STK3: variants seen among roughly 807,000 people sequenced by gnomAD.
STK3 encodes serine/threonine kinase 3.
STK3 carries 41 observed loss-of-function variants against 58.0 expected under a neutral mutation model. The ratio of observed to expected loss-of-function variants is 0.71; its 90% confidence interval spans 0.55 to 0.92. STK3 has a LOEUF of 0.92. Ranked by LOEUF, STK3 falls within the 40% of genes least tolerant of loss-of-function variation. The pLI, the probability that STK3 is intolerant of heterozygous loss-of-function variation, is 0.00. For missense variants in STK3, 479 were observed against 602.7 expected (o/e 0.79, Z 2.15); for synonymous variants, 170 against 191.0 (o/e 0.89, Z 0.91).
chr8:98,636,028 T>C lies in STK3; in HGVS notation c.685-39859A>G, dbSNP rs576819159. Among the ~76,000 whole-genome samples the C allele has an allele frequency of 3.3e-5, 5 of 152,224 alleles. No homozygotes were observed. The East Asian group carries it at 9.7e-4, about 29-fold the overall frequency. ...CTTTCCCTAATACAACCCTTCCTAATAAAGCCATACATTCCTTCTATGATT... is the reference window on the plus strand; with the variant it reads ...CTTTCCCTAATACAACCCTTCCTAACAAAGCCATACATTCCTTCTATGATT... On this transcript the variant is annotated intron_variant, in intron 6 of 10. Transcript: ENST00000419617.
intron 1 of STK3, among the ~76,000 whole-genome samples, chr8:98,906,946 G>A (rs1034006107): frequency 1.3e-5 from 2 of 149,428 alleles, no homozygotes; most frequent in African/African-American, 5.0e-5. Flanking sequence ...CCAGGAGTTC[G>A]AGACCAGCCT....
At chr8:98,414,226 T>C (rs578229891) in intron 3 of STK3, among the ~76,000 whole-genome samples, 31 of 152,152 alleles carry the variant, frequency 2.0e-4, no homozygotes, top group Non-Finnish European at 4.3e-4. Flanking sequence ...ATCGTGCCAC[T>C]GCACTCCAGC....
At chr8:98,805,302 G>A (rs954600644) in intron 1 of STK3, among the ~76,000 whole-genome samples, 6 of 152,060 alleles carry the variant, frequency 3.9e-5, no homozygotes, top group African/African-American at 7.2e-5. Flanking sequence ...AATATAGGCC[G>A]GGCGCGGTGG....
At chr8:98,350,682 CAAGAT>C in the STK3 span, among the ~76,000 whole-genome samples, 2 of 152,126 alleles carry the variant, frequency 1.3e-5, no homozygotes, top group African/African-American at 2.4e-5. Context: ...TGATGGTAGA[CAAGAT>C]AAGAGAATGA....
downstream of STK3, chr8:98,371,227 G>A (rs1232480220): frequency 1.3e-5 from 2 of 152,214 alleles, no homozygotes; most frequent in African/African-American, 4.8e-5. Flanking sequence ...TGCCGAACTG[G>A]TGAAGTGGTA....
chr8:98,491,085 A>G (rs1822645607), intron 10 of STK3, among the ~76,000 whole-genome samples: 1 of 151,962 alleles, frequency 6.6e-6, no homozygotes. Context: ...TCCTACCTCT[A>G]TCTTCTAAAA....
rs149444518 is a variant in STK3, at chr8:98,917,361, T to C, written c.-79+25017A>G. ...ATAGCCTTTTTAAAGAGGACAGTAA[T>C]GCAGGCTGCATTCCAGGGAGCAGAA... is the stretch of plus-strand genomic sequence containing the variant. On this transcript the variant is annotated intron_variant, in intron 1 of 1. Coordinates refer to the STK3 transcript ENST00000519420. Among the ~76,000 whole-genome samples the C allele has an allele frequency of 7.1e-3, 1,079 of 152,264 alleles. 10 individuals are homozygous for C. Among genetic ancestry groups the C allele is most frequent in the African/African-American group, 0.024 (1,010 of 41,542 alleles).
chr8:98,868,962 A>G (rs1025779916), intron 3 of STK3, among the ~76,000 whole-genome samples: 1 of 150,548 alleles, frequency 6.6e-6, no homozygotes, highest in African/African-American at 2.4e-5. Flanking sequence ...GCATGACAGC[A>G]TGAGACCTTG....
At chr8:98,756,394 T>A (rs1486549441) in intron 3 of STK3, among the ~76,000 whole-genome samples, 1 of 151,822 alleles carries the variant, frequency 6.6e-6, no homozygotes, top group Non-Finnish European at 1.5e-5. Context: ...CAGGATAAAG[T>A]GAGTAAAGGA....
chr8:98,629,441 A>C (rs1819004602), intron 6 of STK3, among the ~76,000 whole-genome samples: 1 of 152,190 alleles, frequency 6.6e-6, no homozygotes, highest in Admixed American at 6.5e-5. Context: ...TCATATAATC[A>C]AGTGGACTTC....
At chr8:98,870,241 A>T (rs1162476738) in intron 3 of STK3, among the ~76,000 whole-genome samples, 1 of 152,164 alleles carries the variant, frequency 6.6e-6, no homozygotes, top group Non-Finnish European at 1.5e-5. Flanking sequence ...CCAGTCTATC[A>T]CTGATGGACA....
At chr8:98,454,229 A>G (rs1819333813), downstream of STK3, among the ~76,000 whole-genome samples, 2 of 152,292 alleles carry the variant, frequency 1.3e-5, no homozygotes, top group South Asian at 4.1e-4. Context: ...TCTCCCCTCC[A>G]GCTACGTGGT....
intron 8 of STK3, among the ~76,000 whole-genome samples, chr8:98,568,041 G>C (rs1436054216): frequency 6.6e-6 from 1 of 151,582 alleles, no homozygotes; most frequent in Non-Finnish European, 1.5e-5. Flanking sequence ...CTGAGCAGCA[G>C]AGTGAGACTG....
At chr8:98,736,321 A>G (rs750550660) in intron 4 of STK3, among the ~76,000 whole-genome samples, 22 of 152,162 alleles carry the variant, frequency 1.4e-4, no homozygotes, top group Non-Finnish European at 2.8e-4. Flanking sequence ...GGATAACACT[A>G]AAAGAAGTGC....
At chr8:98,630,478 CA>C (rs947949245) in intron 6 of STK3, among the ~76,000 whole-genome samples, 5 of 151,922 alleles carry the variant, frequency 3.3e-5, no homozygotes, top group African/African-American at 1.2e-4. Flanking sequence ...CCCATCTCCA[CA>C]AAAAAATTTT....
At chr8:98,783,784 C>T (rs1317582606) in intron 1 of STK3, among the ~76,000 whole-genome samples, 1 of 152,104 alleles carries the variant, frequency 6.6e-6, no homozygotes, top group Non-Finnish European at 1.5e-5. Flanking sequence ...TTTTTTATTT[C>T]CAAGATGGCA....
In STK3 at chr8:98,707,313, T is replaced by C; in HGVS notation, c.352-2A>G. 6.6e-7 allele frequency: 1 copy of C among 1,506,194 alleles called. No individual in the cohort carries two copies. Among genetic ancestry groups the C allele is most frequent in the Non-Finnish European group, 8.9e-7 (1 of 1,122,460 alleles). The allele number at this position is 1,506,194 out of a possible 1,614,324, so 93.3% of individuals were successfully genotyped here. On this transcript the variant is annotated splice_acceptor_variant, in intron 4 of 10. Coordinates refer to ENST00000419617, the MANE Select transcript of STK3 (RefSeq NM_006281.4). LOFTEE classifies it high-confidence loss of function. ...GGTTGCAATTTCATCTTCTATTAAC[T>C]GGAAAGAAATATTTTTAAAACCATA...
chr8:98,894,558 A>G lies in STK3; in HGVS notation c.-78-10724T>C, dbSNP rs1445145966. On this transcript the variant is annotated intron_variant, in intron 1 of 1. Coordinates refer to the STK3 transcript ENST00000519420. Reference sequence around the variant, plus strand: ...AGTGCTCTGTTTGTTCCCAGCATTTATTGTTTTCTAGTATGCTACATAATT... The same window carrying G: ...AGTGCTCTGTTTGTTCCCAGCATTTGTTGTTTTCTAGTATGCTACATAATT... Among the ~76,000 whole-genome samples, 4 of 152,096 alleles carry G rather than the reference A, an allele frequency of 2.6e-5. No individual in the cohort carries two copies. The East Asian group carries it at 7.7e-4, about 29-fold the overall frequency.
At chr8:98,839,382 T>C (rs1587731945) in intron 3 of STK3, among the ~76,000 whole-genome samples, 2 of 152,132 alleles carry the variant, frequency 1.3e-5, no homozygotes, top group Admixed American at 1.3e-4. Context: ...GATGGAGAGA[T>C]AAGAAATGAA....
Sources: allele counts gnomAD v4.1 joint callset (sites outside exome capture counted in the v4.1 genomes callset), GRCh38; gene constraint gnomAD v4.1.1; transcripts MANE v1.5; gene names NCBI Gene and HGNC (gene_info 2026-07-23, HGNC 2026-07-21).